Variants in PRKCG observed in about 807,000 individuals in gnomAD.
PRKCG encodes protein kinase C gamma type.
In PRKCG, 28 loss-of-function variants were observed where a neutral mutation model predicts 82.0. The ratio of observed to expected loss-of-function variants is 0.34; its 90% confidence interval spans 0.25 to 0.47. The LOEUF (loss-of-function observed/expected upper bound fraction) is 0.47, where lower values mean the gene tolerates loss of function less well. Among genes scored for constraint, PRKCG ranks in the 20% least tolerant of loss-of-function variants. The probability of loss-of-function intolerance (pLI) is 1.00; values close to 1 mark genes in which losing one functional copy is unlikely to be tolerated. For missense variants in PRKCG, 640 were observed against 952.7 expected, an observed-to-expected ratio of 0.67 and a Z score of 4.32; for synonymous variants, 383 against 376.6, an observed-to-expected ratio of 1.02 and a Z score of -0.20.
In PRKCG at chr19:53,882,751, AG is replaced by A. The variant is rs1304030751; in HGVS notation, c.170+92del. The stretch of plus-strand genomic sequence containing the variant: ...GCCGACCCCTGTGGAAGGAAGAAGG[AG>A]GGGGCTGTAGTCCCGACTCCCAGGT... On this transcript the variant is annotated intron_variant, in intron 1 of 17. Coordinates refer to ENST00000263431, the MANE Select transcript of PRKCG (RefSeq NM_002739.5). This position sits in a 1 kb window ranked among gnomAD's most constrained non-coding sequence, Gnocchi z 6.1. 4 of 1,522,146 alleles carry A rather than the reference AG, an allele frequency of 2.6e-6. No individual in the cohort carries two copies. Among genetic ancestry groups the A allele is most frequent in the South Asian group, 2.4e-5 (2 of 81,758 alleles). The allele number at this position is 1,522,146 out of a possible 1,614,324, so 94.3% of individuals were successfully genotyped here. A position where few individuals can be genotyped will look rare whatever the true frequency, so the allele number is the denominator to read the frequency against.
chr19:53,894,339 A>G (rs1335683385), intron 9 of PRKCG, among the ~76,000 whole-genome samples: 2 of 152,210 alleles, frequency 1.3e-5, no homozygotes, highest in Non-Finnish European at 2.9e-5. Flanking sequence ...TGCTGGGATT[A>G]CAGGCGTGAG....
rs1240038756 is a variant in PRKCG, at chr19:53,906,114, TC to T, written c.1765-202del. Among the ~76,000 whole-genome samples, 46 of 90,234 alleles carry T rather than the reference TC, an allele frequency of 5.1e-4. 1 individual carries two copies. Among genetic ancestry groups the T allele is most frequent in the African/African-American group, 4.1e-3 (39 of 9,584 alleles). The allele number at this position is 90,234 out of a possible 152,430, so 59.2% of individuals were successfully genotyped here. On this transcript the variant is annotated intron_variant, in intron 16 of 17. Coordinates refer to ENST00000263431, the MANE Select transcript of PRKCG (RefSeq NM_002739.5). ...TTCTTCTTCTTCTTCTTCTTCTTCT[TC>T]TTCTTTTCTTCTCTCTCTCTCTCCT... is the stretch of plus-strand genomic sequence containing the variant.
In PRKCG at chr19:53,906,294, GTCTC is replaced by G; in HGVS notation, c.1765-17_1765-14del. 1 of 1,550,956 alleles carries G rather than the reference GTCTC, an allele frequency of 6.4e-7. No homozygotes were observed. Among genetic ancestry groups the G allele is most frequent in the Non-Finnish European group, 8.7e-7 (1 of 1,146,912 alleles). ...CGGCACTCTGTCTGTTTGTCTGTCT[GTCTC>G]TCTCTGTGTTTCCCACAGTTCCTGA... On this transcript the variant is annotated intron_variant, in intron 16 of 17. Transcript: ENST00000263431.
At chr19:53,902,953 A>G in intron 14 of PRKCG, 120 bp from the exon 15 acceptor site, 1 of 668,954 alleles carries the variant, frequency 1.5e-6, no homozygotes, top group Middle Eastern at 2.9e-4. Context: ...AAATATTCAG[A>G]GTGGGAAGAG....
rs2068680263 is a variant in PRKCG, at chr19:53,892,024, G to A, written c.686+194G>A. On this transcript the variant is annotated intron_variant, in intron 6 of 17. Transcript: ENST00000263431. This position sits in a 1 kb window ranked among gnomAD's most constrained non-coding sequence, Gnocchi z 5.9. ...AGATACAGAAACGGAGAGACAGCCA[G>A]ACCACTGTATAATTAGTCTCCATTG... is the stretch of plus-strand genomic sequence containing the variant. 6.6e-6 allele frequency among the ~76,000 whole-genome samples: 1 copy of A among 152,162 alleles called. No individual in the cohort carries two copies. Among genetic ancestry groups the A allele is most frequent in the African/African-American group, 2.4e-5 (1 of 41,442 alleles).
chr19:53,905,491 T>G (rs140811235), intron 16 of PRKCG, among the ~76,000 whole-genome samples: 17 of 151,992 alleles, frequency 1.1e-4, no homozygotes, highest in Admixed American at 1.1e-3. Flanking sequence ...GGTGTGTGTT[T>G]CCTGGGTCTC....
rs1320327499 is a variant in PRKCG at position 53,907,127 on chromosome 19, C to T, written c.*232C>T. 3 of 989,706 alleles carry T rather than the reference C, an allele frequency of 3.0e-6. No individual in the cohort carries two copies. Among genetic ancestry groups the T allele is most frequent in the Non-Finnish European group, 1.5e-6 (1 of 687,668 alleles). 61.3% of individuals were successfully genotyped at this position (989,706 alleles called of 1,614,324 possible). A position where few individuals can be genotyped will look rare whatever the true frequency, so the allele number is the denominator to read the frequency against. On this transcript the variant is annotated 3_prime_UTR_variant, in exon 18 of 18. Coordinates refer to ENST00000263431, the MANE Select transcript of PRKCG (RefSeq NM_002739.5). The stretch of plus-strand genomic sequence containing the variant: ...AGACTTGAGCGGAGCCCGATATTCT[C>T]CCTGACCTTAGCGTTCTGGACTCTG...
chr19:53,894,211 G>A (rs905444627), intron 9 of PRKCG, among the ~76,000 whole-genome samples: 1 of 151,920 alleles, frequency 6.6e-6, no homozygotes, highest in Non-Finnish European at 1.5e-5. Context: ...GACTACAGGC[G>A]CCCACCACCA....
In PRKCG at chr19:53,890,092, T is replaced by A; in HGVS notation, c.529+75T>A. 2.0e-6 allele frequency: 3 copies of A among 1,476,824 alleles called. No homozygotes were observed. The Admixed American group carries it at 5.9e-5, about 29-fold the overall frequency. The allele number at this position is 1,476,824 out of a possible 1,614,324, so 91.5% of individuals were successfully genotyped here. The stretch of plus-strand genomic sequence containing the variant: ...CGGGGCTGACCCAAGGCACTTGTGC[T>A]GGCCCAGCCCTACCCCAAAGATGGG... On this transcript the variant is annotated intron_variant, in intron 5 of 17. Transcript: ENST00000263431.
Position 53,907,091 on chromosome 19 carries a change from T to C in PRKCG, c.*196T>C. On this transcript the variant is annotated 3_prime_UTR_variant, in exon 18 of 18. Transcript: ENST00000263431. ...GAACTCCATACAGCCTCTACAGCCG[T>C]CCCGCGTTCAAGACTTGAGCGGAGC... 7.0e-6 allele frequency: 9 copies of C among 1,283,788 alleles called. No homozygotes were observed. The highest frequency in any genetic ancestry group is 9.5e-6 in the Non-Finnish European group (9 of 944,488). The allele number at this position is 1,283,788 out of a possible 1,614,324, so 79.5% of individuals were successfully genotyped here. A position where few individuals can be genotyped will look rare whatever the true frequency, so the allele number is the denominator to read the frequency against.
chr19:53,903,231 G>A, intron 15 of PRKCG, 78 bp downstream of exon 15: 1 of 1,140,844 alleles, frequency 8.8e-7, no homozygotes, highest in Non-Finnish European at 1.3e-6. Flanking sequence ...GAGCCAGTTA[G>A]AAAGGAGCCC....
intron 9 of PRKCG, among the ~76,000 whole-genome samples, chr19:53,896,819 A>C (rs2068721702): frequency 6.6e-6 from 1 of 152,260 alleles, no homozygotes; most frequent in Non-Finnish European, 1.5e-5. Context: ...GGCAGAAAGC[A>C]GATAGTCACA....
Position 53,889,758 on chromosome 19 carries a change from C to G in PRKCG, c.397+9C>G. The G allele has an allele frequency of 6.2e-7, 1 of 1,613,024 alleles. No homozygotes were observed. Among genetic ancestry groups the G allele is most frequent in the Non-Finnish European group, 8.5e-7 (1 of 1,179,524 alleles). Reference sequence around the variant, plus strand: ...GGGCATGAAATGCTCCTGTGAGTGACCTGGGCCTTGCCAGGGCCCTTCCAA... The same window carrying G: ...GGGCATGAAATGCTCCTGTGAGTGAGCTGGGCCTTGCCAGGGCCCTTCCAA... On this transcript the variant is annotated intron_variant, in intron 4 of 17. Transcript: ENST00000263431. This position sits in a 1 kb window ranked among gnomAD's most constrained non-coding sequence, Gnocchi z 4.4.
Position 53,900,100 on chromosome 19 carries a change from A to T in PRKCG, c.1282-133A>T, listed in dbSNP as rs1481649962. 3 of 830,550 alleles carry T rather than the reference A, an allele frequency of 3.6e-6. No individual in the cohort carries two copies. The African/African-American group carries it at 5.0e-5, about 14-fold the overall frequency. The allele number at this position is 830,550 out of a possible 1,614,324, so 51.4% of individuals were successfully genotyped here. On this transcript the variant is annotated intron_variant, in intron 11 of 17. Coordinates refer to ENST00000263431, the MANE Select transcript of PRKCG (RefSeq NM_002739.5). This position sits in a 1 kb window ranked among gnomAD's most constrained non-coding sequence, Gnocchi z 4.2. ...TTAGCACCTTAGGGCCCTCCCAGGG[A>T]TGTGGCTAGGTGCTCTGAATTTCTG... is the stretch of plus-strand genomic sequence containing the variant.
Position 53,897,939 on chromosome 19 carries a change from T to G in PRKCG, c.940-20T>G. 1.2e-6 allele frequency: 2 copies of G among 1,613,584 alleles called. No individual in the cohort carries two copies. The highest frequency in any genetic ancestry group is 1.7e-6 in the Non-Finnish European group (2 of 1,179,586). On this transcript the variant is annotated intron_variant, in intron 9 of 17. Transcript: ENST00000263431. ...TGTAAGGTCTAACTGCCTCTGGCTC[T>G]TTCTTTCTCCTTTCCACAGCGGGTG...
At chr19:53,893,920 A>AT (rs1420238370) in intron 9 of PRKCG, among the ~76,000 whole-genome samples, 22 of 148,502 alleles carry the variant, frequency 1.5e-4, no homozygotes, top group Admixed American at 2.7e-4. Flanking sequence ...CACCCAGCTA[A>AT]TTTTTTTTTT....
chr19:53,898,452 G>A lies in PRKCG; in HGVS notation c.1105G>A (p.Glu369Lys), dbSNP rs2068733480. 6.2e-7 allele frequency: 1 copy of A among 1,613,944 alleles called. No homozygotes were observed. ...ACTGTGCGCATAGGTGATGCTGGCC[G>A]AGCGCAGGGGCTCTGATGAGCTCTA... ...KGSFGKVMLA[E>K]RRGSDELYAI... is the part of the protein sequence containing the mutation. The change falls in exon 11 of 18, where the codon GAG (glutamate) becomes AAG (lysine). Residue 369 changes from glutamate to lysine, a missense_variant. Around this residue, in one of 7 missense-constraint regions of PRKCG, gnomAD observed 22 missense variants for 59.0 expected, o/e 0.37. Transcript: ENST00000263431.
In PRKCG at chr19:53,899,958, T is replaced by A. The variant is rs559130310; in HGVS notation, c.1282-275T>A. ...GTGGCTGTGGAAAGAGATTTTGGTG[T>A]TCCCGGATTTCGAGCGAATGGTGGG... On this transcript the variant is annotated intron_variant, in intron 11 of 17. Coordinates refer to ENST00000263431, the MANE Select transcript of PRKCG (RefSeq NM_002739.5). 1.3e-5 allele frequency among the ~76,000 whole-genome samples: 2 copies of A among 152,316 alleles called. 1 individual carries two copies. Among genetic ancestry groups the A allele is most frequent in the African/African-American group, 4.8e-5 (2 of 41,570 alleles).
At chr19:53,893,301 CT>C in intron 8 of PRKCG, 60 bp from the exon 9 acceptor site, 1 of 1,557,796 alleles carries the variant, frequency 6.4e-7, no homozygotes, top group South Asian at 1.1e-5. Flanking sequence ...CCACCAGCCC[CT>C]GTTCTAGGGC....
Sources: gnomAD v4.1 joint callset for allele counts (sites outside exome capture counted in the v4.1 genomes callset) on GRCh38, gnomAD v4.1.1 for gene constraint, gnomAD v4.1.1 regional missense constraint, Gnocchi (gnomAD v3.1) non-coding constraint, MANE v1.5 for transcripts, NCBI Gene and HGNC (gene_info 2026-07-23, HGNC 2026-07-21) for gene names.